The following GULP1 variants were observed in gnomAD, a reference collection of about 807,000 sequenced individuals.
The protein encoded by GULP1 is PTB domain-containing engulfment adapter protein 1.
In GULP1, 19 loss-of-function variants were observed where a neutral mutation model predicts 40.9. The observed-to-expected ratio is 0.46, with a 90% CI of 0.32 to 0.68. The LOEUF (loss-of-function observed/expected upper bound fraction) is 0.68, where lower values mean the gene tolerates loss of function less well. GULP1 is among the 30% of genes least tolerant of loss of function. The pLI, the probability that GULP1 is intolerant of heterozygous loss-of-function variation, is 0.03. For missense variants in GULP1, 312 were observed against 362.2 expected (o/e 0.86, Z 1.12); for synonymous variants, 119 against 117.6 (o/e 1.01, Z -0.08).
chr2:188,407,447 A>C (rs1229465303), intron 2 of GULP1, among the ~76,000 whole-genome samples: 5 of 152,258 alleles, frequency 3.3e-5, no homozygotes, highest in African/African-American at 1.2e-4. Context: ...TAATAACTAC[A>C]ATAATTATTT....
At chr2:188,454,130 G>A (rs918759314) in intron 2 of GULP1, among the ~76,000 whole-genome samples, 15 of 152,156 alleles carry the variant, frequency 9.9e-5, no homozygotes, top group Non-Finnish European at 1.9e-4. Flanking sequence ...CCCCTGTTTG[G>A]CTGCTCCCAA....
intron 1 of GULP1, among the ~76,000 whole-genome samples, chr2:188,338,340 G>A (rs900605646): frequency 1.4e-4 from 21 of 149,010 alleles, no homozygotes; most frequent in Non-Finnish European, 2.8e-4. Flanking sequence ...GTGCTGTGGT[G>A]AGACCAGAGC....
chr2:188,459,926 C>A (rs971276380), intron 2 of GULP1, among the ~76,000 whole-genome samples: 1 of 151,996 alleles, frequency 6.6e-6, no homozygotes, highest in Non-Finnish European at 1.5e-5. Context: ...ATGTTTTTGG[C>A]GCCTTTATAG....
chr2:188,582,344 C>T lies in GULP1; in HGVS notation c.610-1921C>T, dbSNP rs568521872. On this transcript the variant is annotated intron_variant, in intron 9 of 11. Transcript: ENST00000409830. ...TTTTTCTGTCATTCCTTTACAGCTGCTGCACAATATGTCTGATCATGAACA... is the reference window on the plus strand; with the variant it reads ...TTTTTCTGTCATTCCTTTACAGCTGTTGCACAATATGTCTGATCATGAACA... The T allele has an allele frequency of 1.7e-5, 8 of 471,072 alleles. No homozygotes were observed. The East Asian group carries it at 4.9e-4, about 29-fold the overall frequency. The allele number at this position is 471,072 out of a possible 1,614,324, so 29.2% of individuals were successfully genotyped here.
intron 7 of GULP1, among the ~76,000 whole-genome samples, chr2:188,569,013 C>A (rs1460904652): frequency 6.6e-6 from 1 of 152,058 alleles, no homozygotes; most frequent in Non-Finnish European, 1.5e-5. Context: ...GTAATACCCA[C>A]CCCCAAGTCC....
In GULP1 at chr2:188,568,125, C is replaced by T. The variant is rs555770859; in HGVS notation, c.400-1114C>T. On this transcript the variant is annotated intron_variant, in intron 7 of 11. Coordinates refer to ENST00000409830, the MANE Select transcript of GULP1 (RefSeq NM_016315.4). ...AAATACTATATTTTTGTCTAAAACC[C>T]TCCTTAAATAATGAACTATAAAAAT... Among the ~76,000 whole-genome samples the T allele has an allele frequency of 1.3e-4, 19 of 151,990 alleles. No individual in the cohort carries two copies. In the South Asian group the frequency reaches 3.3e-3, roughly 27 times the overall value.
chr2:188,550,842 C>G (rs1693284323), intron 7 of GULP1, among the ~76,000 whole-genome samples: 1 of 151,380 alleles, frequency 6.6e-6, no homozygotes, highest in South Asian at 2.1e-4. Flanking sequence ...GAGCTAATTT[C>G]TTAGATTAGC....
At chr2:188,323,384 C>T (rs1041382037) in intron 1 of GULP1, among the ~76,000 whole-genome samples, 1 of 151,930 alleles carries the variant, frequency 6.6e-6, no homozygotes, top group African/African-American at 2.4e-5. Flanking sequence ...TGAACATAGG[C>T]TGTGCTGTGG....
At chr2:188,540,420 A>C (rs530757126) in intron 6 of GULP1, among the ~76,000 whole-genome samples, 1 of 124,664 alleles carries the variant, frequency 8.0e-6, no homozygotes, top group Non-Finnish European at 1.7e-5. Context: ...CTATTTTATA[A>C]GTTTTATAAT....
At chr2:188,485,838 T>C (rs1393482377) in intron 4 of GULP1, among the ~76,000 whole-genome samples, 1 of 151,994 alleles carries the variant, frequency 6.6e-6, no homozygotes, top group Non-Finnish European at 1.5e-5. Flanking sequence ...CAGGCAACCA[T>C]CAGTTCTGTC....
chr2:188,446,483 G>A (rs1040832472), intron 2 of GULP1, among the ~76,000 whole-genome samples: 1 of 152,032 alleles, frequency 6.6e-6, no homozygotes. Flanking sequence ...CTTAGGTGGC[G>A]GCATAAAATT....
At chr2:188,401,202 G>A (rs761984576) in intron 2 of GULP1, among the ~76,000 whole-genome samples, 14 of 151,648 alleles carry the variant, frequency 9.2e-5, no homozygotes, top group Non-Finnish European at 1.5e-4. Context: ...AGTATTATGC[G>A]GAATTAAATA....
At chr2:188,438,466 A>G (rs1177448956) in intron 2 of GULP1, among the ~76,000 whole-genome samples, 1 of 150,794 alleles carries the variant, frequency 6.6e-6, no homozygotes, top group Non-Finnish European at 1.5e-5. Context: ...TAATAGTTAT[A>G]TAATCAGTAT....
At chr2:188,343,891 C>T (rs1238480467) in intron 1 of GULP1, among the ~76,000 whole-genome samples, 1 of 152,130 alleles carries the variant, frequency 6.6e-6, no homozygotes, top group Non-Finnish European at 1.5e-5. Context: ...CAACCTTCAC[C>T]TCCCAGGTTC....
intron 2 of GULP1, among the ~76,000 whole-genome samples, chr2:188,391,717 C>T (rs2050551008): frequency 6.6e-6 from 1 of 151,962 alleles, no homozygotes; most frequent in Non-Finnish European, 1.5e-5. Context: ...TTAAACTCTT[C>T]CCCATTCAGT....
intron 2 of GULP1, among the ~76,000 whole-genome samples, chr2:188,400,841 A>G (rs565937088): frequency 5.9e-5 from 9 of 152,100 alleles, no homozygotes; most frequent in African/African-American, 1.9e-4. Flanking sequence ...GAGGAATCAC[A>G]TGTAATATGG....
intron 1 of GULP1, among the ~76,000 whole-genome samples, chr2:188,300,043 A>G (rs989047456): frequency 2.6e-5 from 4 of 152,176 alleles, no homozygotes; most frequent in African/African-American, 9.6e-5. Context: ...TAGCTGAATA[A>G]TTTTAGCTGG....
intron 6 of GULP1, among the ~76,000 whole-genome samples, chr2:188,529,693 C>A (rs939861769): frequency 5.9e-5 from 9 of 152,272 alleles, no homozygotes; most frequent in African/African-American, 2.2e-4. Context: ...AAGATGCCAG[C>A]AGGGTTAGTT....
chr2:188,535,091 A>G (rs533248097), intron 6 of GULP1, among the ~76,000 whole-genome samples: 5 of 151,338 alleles, frequency 3.3e-5, no homozygotes, highest in African/African-American at 1.2e-4. Flanking sequence ...TATTAAAGTA[A>G]TTATTTAATG....
Sources: gnomAD v4.1 joint callset for allele counts (sites outside exome capture counted in the v4.1 genomes callset) on GRCh38, gnomAD v4.1.1 for gene constraint, MANE v1.5 for transcripts, NCBI Gene and HGNC (gene_info 2026-07-23, HGNC 2026-07-21) for gene names.